Variants in EPN2 observed in about 807,000 individuals in gnomAD.
EPN2 encodes epsin 2, also known as epsin-2.
EPN2 carries 34 observed loss-of-function variants against 61.7 expected under a neutral mutation model. The observed-to-expected ratio is 0.55, with a 90% CI of 0.42 to 0.73. The LOEUF is 0.73. EPN2 is among the 30% of genes least tolerant of loss of function. The pLI, the probability that EPN2 is intolerant of heterozygous loss-of-function variation, is 0.00. For synonymous variants in EPN2, 349 were observed against 353.6 expected, an observed-to-expected ratio of 0.99 and a Z score of 0.15; for missense variants, 714 against 839.2, an observed-to-expected ratio of 0.85 and a Z score of 1.84.
rs1419170667 is a variant in EPN2 at position 19,308,405 on chromosome 17, C to T, written c.767-1480C>T. On this transcript the variant is annotated intron_variant, in intron 4 of 10. Coordinates refer to ENST00000314728, the MANE Select transcript of EPN2 (RefSeq NM_014964.5). ...GAACATTTTAAAATGACCCGTTAAC[C>T]ATGAAATTGAATTCTGTAGTTGTCC... 6.1e-6 allele frequency: 6 copies of T among 985,306 alleles called. No individual in the cohort carries two copies. The Admixed American group carries it at 2.5e-4, about 40-fold the overall frequency. 61.0% of individuals were successfully genotyped at this position (985,306 alleles called of 1,614,324 possible).
At chr17:19,259,967 A>G (rs557568614) in intron 1 of EPN2, among the ~76,000 whole-genome samples, 3 of 152,242 alleles carry the variant, frequency 2.0e-5, no homozygotes, top group East Asian at 1.9e-4. Flanking sequence ...TGCACACTCC[A>G]TGGCTGGCCT....
At chr17:19,309,255 C>T (rs1280560500) in intron 4 of EPN2, among the ~76,000 whole-genome samples, 1 of 151,840 alleles carries the variant, frequency 6.6e-6, no homozygotes, top group Non-Finnish European at 1.5e-5. Flanking sequence ...AGTGATTCTC[C>T]TGCTAGCTGG....
chr17:19,288,375 A>C (rs1040893246), intron 4 of EPN2, among the ~76,000 whole-genome samples: 4 of 152,198 alleles, frequency 2.6e-5, no homozygotes, highest in African/African-American at 9.6e-5. Flanking sequence ...ACACAATATA[A>C]ATTATTCAGC....
chr17:19,237,915 C>T (rs1174380034), intron 1 of EPN2, among the ~76,000 whole-genome samples: 2 of 152,238 alleles, frequency 1.3e-5, no homozygotes, highest in Admixed American at 1.3e-4. Context: ...CCCCAGAGCA[C>T]GTTCCTCCTC....
chr17:19,328,748 G>T lies in EPN2; in HGVS notation c.1185G>T (p.Val395=). 6.2e-7 allele frequency: 1 copy of T among 1,612,916 alleles called. No homozygotes were observed. Among genetic ancestry groups the T allele is most frequent in the South Asian group, 1.1e-5 (1 of 90,834 alleles). ...KPAASIDPWG[V]PTGATVQSVP... ...CTGCCTCCATTGACCCATGGGGGGT[G>T]CCCACTGGAGCCACCGTACAATCTG... The change falls in exon 8 of 11, where the codon GTG becomes GTT. Residue 395 remains valine (V), a synonymous_variant. Transcript: ENST00000314728.
intron 7 of EPN2, among the ~76,000 whole-genome samples, chr17:19,328,291 G>A (rs1347098753): frequency 1.3e-5 from 2 of 152,180 alleles, no homozygotes; most frequent in East Asian, 1.9e-4. Flanking sequence ...AGCCTGGGCC[G>A]AGGTGGGAGG....
chr17:19,316,175 A>G lies in EPN2; in HGVS notation c.1147+2896A>G, dbSNP rs537288124. Among the ~76,000 whole-genome samples the G allele has an allele frequency of 1.9e-3, 286 of 152,382 alleles. 1 individual carries two copies. The highest frequency in any genetic ancestry group is 3.3e-3 in the Non-Finnish European group (224 of 68,044). On this transcript the variant is annotated intron_variant, in intron 7 of 10. Coordinates refer to ENST00000314728, the MANE Select transcript of EPN2 (RefSeq NM_014964.5). ...GGGCTGTTTTCACATTTTGGCTATTATGAATCCAGTTTTTTAAAGAGAAGA... is the reference window on the plus strand; with the variant it reads ...GGGCTGTTTTCACATTTTGGCTATTGTGAATCCAGTTTTTTAAAGAGAAGA...
chr17:19,275,179 A>G (rs1597987310), intron 1 of EPN2, among the ~76,000 whole-genome samples: 1 of 152,068 alleles, frequency 6.6e-6, no homozygotes, highest in Non-Finnish European at 1.5e-5. Flanking sequence ...AGCCTGACTG[A>G]TGTCTCTGCA....
Position 19,282,960 on chromosome 17 carries a change from C to A in EPN2, c.-160C>A. 1 of 608,692 alleles carries A rather than the reference C, an allele frequency of 1.6e-6. No homozygotes were observed. The highest frequency in any genetic ancestry group is 2.9e-6 in the Non-Finnish European group (1 of 349,054). 37.7% of individuals were successfully genotyped at this position (608,692 alleles called of 1,614,324 possible). A position where few individuals can be genotyped will look rare whatever the true frequency, so the allele number is the denominator to read the frequency against. ...TTTCTCTTTCTCTAGGTCATGGCTT[C>A]CAGCTTTTCGAATCTGAGGCTCCAA... On this transcript the variant is annotated 5_prime_UTR_variant, in exon 3 of 11. Coordinates refer to ENST00000314728, the MANE Select transcript of EPN2 (RefSeq NM_014964.5).
In EPN2 at chr17:19,334,300, C is replaced by A; in HGVS notation, c.*46C>A. 7.4e-7 allele frequency: 1 copy of A among 1,352,446 alleles called. No individual in the cohort carries two copies. The highest frequency in any genetic ancestry group is 2.0e-5 in the South Asian group (1 of 50,002). 83.8% of individuals were successfully genotyped at this position (1,352,446 alleles called of 1,614,324 possible). A position where few individuals can be genotyped will look rare whatever the true frequency, so the allele number is the denominator to read the frequency against. ...CCAGAGCACCTGTGCTGGAGGATGC[C>A]GAGCAGGGACTCTCGTCTGTGGGAC... On this transcript the variant is annotated 3_prime_UTR_variant, in exon 11 of 11. Transcript: ENST00000314728. This position sits in a 1 kb window ranked among gnomAD's most constrained non-coding sequence, Gnocchi z 4.9.
At chr17:19,298,979 C>A (rs181589035) in intron 4 of EPN2, among the ~76,000 whole-genome samples, 12 of 152,156 alleles carry the variant, frequency 7.9e-5, no homozygotes, top group Admixed American at 5.9e-4. Flanking sequence ...ATTATTTCTT[C>A]AATGTGGAAT....
intron 7 of EPN2, among the ~76,000 whole-genome samples, chr17:19,314,776 G>A (rs1351477136): frequency 6.6e-6 from 1 of 152,246 alleles, no homozygotes; most frequent in Non-Finnish European, 1.5e-5. Flanking sequence ...TGTCACTTGT[G>A]TGTGGTACCC....
intron 1 of EPN2, among the ~76,000 whole-genome samples, chr17:19,274,830 C>A (rs766453444): frequency 1.3e-5 from 2 of 151,262 alleles, no homozygotes; most frequent in African/African-American, 2.4e-5. Context: ...TTATGGAATA[C>A]TTCTTGCCTC....
At chr17:19,269,246 T>C (rs2152211409) in intron 1 of EPN2, among the ~76,000 whole-genome samples, 1 of 152,368 alleles carries the variant, frequency 6.6e-6, no homozygotes, top group Admixed American at 6.5e-5. Context: ...CATTTCCTCC[T>C]AATATATCCA....
intron 1 of EPN2, among the ~76,000 whole-genome samples, chr17:19,256,613 A>G (rs975070092): frequency 2.6e-5 from 4 of 152,042 alleles, no homozygotes; most frequent in African/African-American, 9.7e-5. Flanking sequence ...AAAGGGGATT[A>G]TATAGCGTCC....
intron 1 of EPN2, among the ~76,000 whole-genome samples, chr17:19,251,081 G>T (rs1597970569): frequency 6.6e-6 from 1 of 152,064 alleles, no homozygotes; most frequent in African/African-American, 2.4e-5. Flanking sequence ...TCCCTTTTAT[G>T]TCTTGCATTG....
intron 9 of EPN2, chr17:19,330,765 G>C (rs976965409): frequency 6.6e-6 from 1 of 152,510 alleles, no homozygotes; most frequent in Non-Finnish European, 1.5e-5. Flanking sequence ...GAGGGCCAGC[G>C]TGGGAGGATT....
chr17:19,255,600 C>T (rs1452212263), intron 1 of EPN2, among the ~76,000 whole-genome samples: 1 of 147,336 alleles, frequency 6.8e-6, no homozygotes, highest in Non-Finnish European at 1.5e-5. Context: ...AGTGCTTGGC[C>T]CCCATCCCTT....
chr17:19,247,936 A>G (rs2044971002), intron 1 of EPN2, among the ~76,000 whole-genome samples: 1 of 152,204 alleles, frequency 6.6e-6, no homozygotes. Context: ...CCTGCAAATC[A>G]TGTGGCCTGG....
Sources: allele counts gnomAD v4.1 joint callset (sites outside exome capture counted in the v4.1 genomes callset), GRCh38; gene constraint gnomAD v4.1.1; non-coding constraint Gnocchi (gnomAD v3.1); transcripts MANE v1.5; gene names NCBI Gene and HGNC (gene_info 2026-07-23, HGNC 2026-07-21).